Variants in PUM1 observed in about 807,000 individuals in gnomAD.
The protein encoded by PUM1 is pumilio RNA binding family member 1.
A neutral mutation model predicts 131.8 loss-of-function variants in PUM1; 13 were observed. That is an observed-to-expected ratio of 0.10 (90% CI 0.06 to 0.16). The LOEUF (loss-of-function observed/expected upper bound fraction) is 0.16. Ranked by LOEUF, PUM1 falls within the 10% of genes least tolerant of loss-of-function variation. The pLI is 1.00. For missense variants in PUM1, 961 were observed against 1,512.4 expected (o/e 0.64, Z 6.05); for synonymous variants, 509 against 556.5 (o/e 0.91, Z 1.20).
Position 31,056,609 on chromosome 1 carries a change from C to CTTTT in PUM1, c.363+2591_363+2594dup, listed in dbSNP as rs57685772. 3.1e-3 allele frequency among the ~76,000 whole-genome samples: 136 copies of CTTTT among 43,696 alleles called. 20 individuals are homozygous for CTTTT. Among genetic ancestry groups the CTTTT allele is most frequent in the Non-Finnish European group, 4.5e-3 (112 of 24,862 alleles). The allele number at this position is 43,696 out of a possible 152,430, so 28.7% of individuals were successfully genotyped here. Reference sequence around the variant, plus strand: ...CAGCTGAAAACCTTCCTTTTCTTTTCTTTTTTTTTTTTTTTTTTTTTTTTT... The same window carrying CTTTT: ...CAGCTGAAAACCTTCCTTTTCTTTTCTTTTTTTTTTTTTTTTTTTTTTTTTTTTT... On this transcript the variant is annotated intron_variant, in intron 2 of 21. Transcript: ENST00000426105.
chr1:30,975,239 G>C (rs1042196737), intron 9 of PUM1, among the ~76,000 whole-genome samples: 2 of 152,278 alleles, frequency 1.3e-5, no homozygotes, highest in African/African-American at 4.8e-5. Flanking sequence ...ATTTAACGGA[G>C]TGCTGTTGTT....
rs1490510446 is a variant in PUM1 at position 30,974,737 on chromosome 1, A to G, written c.1420T>C (p.Phe474Leu). Reference sequence around the variant, plus strand: ...GCGGCAGCGGCAGCTTGCTGCTGGAAAAGACTGGCAGGGTAGACTCCCCAG... The same window carrying G: ...GCGGCAGCGGCAGCTTGCTGCTGGAGAAGACTGGCAGGGTAGACTCCCCAG... ...TPWGVYPASL[F>L]QQQAAAAAAA... The change falls in exon 10 of 22, where the codon TTC becomes CTC. Residue 474 changes from phenylalanine to leucine, a missense_variant. This residue lies in a region of PUM1 where 654 missense variants were observed against 923.9 expected (regional missense o/e 0.71). Transcript: ENST00000426105. 2 of 1,612,778 alleles carry G rather than the reference A, an allele frequency of 1.2e-6. No individual in the cohort carries two copies. Among genetic ancestry groups the G allele is most frequent in the Non-Finnish European group, 1.7e-6 (2 of 1,179,818 alleles).
At chr1:31,033,048 AC>A (rs1643486182) in intron 2 of PUM1, among the ~76,000 whole-genome samples, 1 of 148,166 alleles carries the variant, frequency 6.7e-6, no homozygotes, top group Admixed American at 6.7e-5. Context: ...AAAAAAAAAT[AC>A]AAAAAAAGAA....
intron 1 of PUM1, chr1:31,061,859 G>A (rs1281767442): frequency 1.3e-5 from 2 of 152,128 alleles, no homozygotes; most frequent in African/African-American, 4.8e-5. Context: ...AGGCTGAGGT[G>A]GGAGGATCAT....
At chr1:31,011,789 G>GT (rs967309657) in intron 3 of PUM1, among the ~76,000 whole-genome samples, 4 of 152,134 alleles carry the variant, frequency 2.6e-5, no homozygotes, top group Admixed American at 1.3e-4. Flanking sequence ...ATAAAGACTA[G>GT]TTTTTTTGAC....
intron 2 of PUM1, among the ~76,000 whole-genome samples, chr1:31,046,973 T>C (rs776937824): frequency 6.9e-4 from 105 of 151,864 alleles, no homozygotes; most frequent in Non-Finnish European, 2.8e-4. Context: ...GGGTGGATCA[T>C]AAGGTCAGGA....
At chr1:31,026,897 TTAAC>T (rs1247021648) in intron 3 of PUM1, among the ~76,000 whole-genome samples, 3 of 150,368 alleles carry the variant, frequency 2.0e-5, no homozygotes, top group Non-Finnish European at 2.9e-5. Flanking sequence ...TGTTTTGTTA[TTAAC>T]ATATGCCTAT....
At chr1:31,000,981 G>C (rs2124500986) in intron 5 of PUM1, among the ~76,000 whole-genome samples, 1 of 152,114 alleles carries the variant, frequency 6.6e-6, no homozygotes, top group South Asian at 2.1e-4. Flanking sequence ...GGTCAGGAGA[G>C]CGAGACCATC....
chr1:30,957,747 C>T (rs1047877819), intron 14 of PUM1, among the ~76,000 whole-genome samples: 2 of 152,194 alleles, frequency 1.3e-5, no homozygotes, highest in African/African-American at 4.8e-5. Context: ...TAATAGATGC[C>T]TAATGGGCAA....
intron 2 of PUM1, among the ~76,000 whole-genome samples, chr1:31,035,496 A>G (rs1187207248): frequency 6.6e-6 from 1 of 152,172 alleles, no homozygotes; most frequent in African/African-American, 2.4e-5. Flanking sequence ...TCACACCTAT[A>G]ATCCCAGCAC....
In PUM1 at chr1:30,953,773, T is replaced by C. The variant is rs753978753; in HGVS notation, c.2532A>G (p.Leu844=). ...TATGTCCAGCAATCTCCCGCAGTTG[T>C]AAATTGGGGTACCGGTTGTTTCGAA... ...EDFRNNRYPN[L]QLREIAGHIM... is the part of the protein sequence containing the mutation. Residue 844 remains leucine (L), a synonymous_variant, in exon 15 of 22, where the codon TTA becomes TTG. Transcript: ENST00000426105. 8 of 1,614,072 alleles carry C rather than the reference T, an allele frequency of 5.0e-6. No homozygotes were observed. In the Admixed American group the frequency reaches 6.7e-5, roughly 13 times the overall value.
At chr1:30,971,556 A>ATC (rs1223305983) in intron 10 of PUM1, among the ~76,000 whole-genome samples, 2 of 152,194 alleles carry the variant, frequency 1.3e-5, no homozygotes, top group African/African-American at 4.8e-5. Context: ...GAAACACAAG[A>ATC]TCTCAGATTT....
chr1:30,965,790 C>A (rs1383701345), intron 13 of PUM1, among the ~76,000 whole-genome samples, 192 bp downstream of exon 13: 1 of 152,174 alleles, frequency 6.6e-6, no homozygotes, highest in Non-Finnish European at 1.5e-5. Flanking sequence ...GCCACATGAG[C>A]ATGGATTGAA....
At chr1:31,009,320 C>T (rs1055600424) in intron 3 of PUM1, among the ~76,000 whole-genome samples, 2 of 152,106 alleles carry the variant, frequency 1.3e-5, no homozygotes, top group Admixed American at 1.3e-4. Context: ...CTTTTGTATT[C>T]CAGAAGAAAG....
Position 30,992,471 on chromosome 1 carries a change from C to A in PUM1, c.1077G>T (p.Gln359His). 6.2e-7 allele frequency: 1 copy of A among 1,614,234 alleles called. No homozygotes were observed. Among genetic ancestry groups the A allele is most frequent in the Non-Finnish European group, 8.5e-7 (1 of 1,180,040 alleles). ...GTACCTGCGTGCCTGAATAATCAAACTGAAGAGGCTCCATGCCCACATGTT... is the reference window on the plus strand; with the variant it reads ...GTACCTGCGTGCCTGAATAATCAAAATGAAGAGGCTCCATGCCCACATGTT... ...PMEHVGMEPL[Q>H]FDYSGTQVPV... Residue 359 changes from glutamine (Q) to histidine (H), a missense_variant, in exon 7 of 22, where the codon CAG (glutamine) becomes CAT (histidine). Gln to His is a conservative substitution (Grantham distance 24). Coordinates refer to ENST00000426105, the MANE Select transcript of PUM1 (RefSeq NM_001020658.2).
intron 2 of PUM1, among the ~76,000 whole-genome samples, chr1:31,041,958 ATATGATTACTCGT>A (rs1406907521): frequency 1.3e-5 from 2 of 152,190 alleles, no homozygotes; most frequent in African/African-American, 4.8e-5. Flanking sequence ...AGGACAAAGC[ATATGATTACTCGT>A]TATTAATTCT....
chr1:30,995,164 A>G lies in PUM1; in HGVS notation c.777T>C (p.Gly259=). ...ENDKGEKKNK[G]TFDGDKLGDL... ...CTCCTAGCTTATCTCCATCAAACGTACCCTTGTTCTTCTTTTCACCTTTGT... is the reference window on the plus strand; with the variant it reads ...CTCCTAGCTTATCTCCATCAAACGTGCCCTTGTTCTTCTTTTCACCTTTGT... The change falls in exon 6 of 22, where the codon GGT becomes GGC. Residue 259 remains glycine, a synonymous_variant. Coordinates refer to ENST00000426105, the MANE Select transcript of PUM1 (RefSeq NM_001020658.2). The G allele has an allele frequency of 1.9e-6, 3 of 1,614,040 alleles. No homozygotes were observed. The highest frequency in any genetic ancestry group is 2.5e-6 in the Non-Finnish European group (3 of 1,179,998).
At chr1:31,009,782 A>AAAAAAAAAAAAAAAAAAAAAAAAAC (rs375044466) in intron 3 of PUM1, among the ~76,000 whole-genome samples, 3 of 125,366 alleles carry the variant, frequency 2.4e-5, no homozygotes, top group African/African-American at 9.9e-5. Flanking sequence ...AAAAAAAAAA[A>AAAAAAAAAAAAAAAAAAAAAAAAAC]AAAAACAAAA....
intron 16 of PUM1, among the ~76,000 whole-genome samples, chr1:30,951,231 G>A (rs774505143): frequency 6.6e-6 from 1 of 152,114 alleles, no homozygotes; most frequent in Non-Finnish European, 1.5e-5. Flanking sequence ...TCACCCCAAG[G>A]TGCATCAGCC....
Sources: allele counts gnomAD v4.1 joint callset (sites outside exome capture counted in the v4.1 genomes callset), GRCh38; gene constraint gnomAD v4.1.1; regional missense constraint gnomAD v4.1.1; transcripts MANE v1.5; gene names NCBI Gene and HGNC (gene_info 2026-07-23, HGNC 2026-07-21).